The following IPO11 variants were observed in gnomAD, a reference collection of about 807,000 sequenced individuals.
IPO11 encodes the protein importin-11.
In IPO11, 66 loss-of-function variants were observed where a neutral mutation model predicts 143.2. The ratio of observed to expected loss-of-function variants is 0.46; its 90% CI spans 0.38 to 0.57. IPO11 has a LOEUF of 0.57. Among genes scored for constraint, IPO11 ranks in the 20% least tolerant of loss-of-function variants. The probability of loss-of-function intolerance (pLI) is 0.00; values close to 1 mark genes in which losing one functional copy is unlikely to be tolerated. For synonymous variants in IPO11, 385 were observed against 377.8 expected (o/e 1.02, Z -0.22); for missense variants, 1,026 against 1,141.0 (o/e 0.90, Z 1.45).
At chr5:62,522,006 G>A (rs1416858793) in intron 20 of IPO11, among the ~76,000 whole-genome samples, 1 of 151,902 alleles carries the variant, frequency 6.6e-6, no homozygotes, top group Admixed American at 6.6e-5. Flanking sequence ...CTTTTAGGGT[G>A]CTGTTTTCTA....
At chr5:62,525,826 A>G (rs1742353190) in intron 20 of IPO11, among the ~76,000 whole-genome samples, 1 of 152,258 alleles carries the variant, frequency 6.6e-6, no homozygotes, top group South Asian at 2.1e-4. Context: ...TACCAAAGTT[A>G]GTATGTCATC....
intron 29 of IPO11, among the ~76,000 whole-genome samples, chr5:62,608,233 C>T (rs759279393): frequency 2.0e-5 from 3 of 152,146 alleles, no homozygotes; most frequent in Non-Finnish European, 2.9e-5. Flanking sequence ...TGAACTTTAT[C>T]TGGAGCCCTA....
chr5:62,507,694 G>A (rs1741598823), intron 19 of IPO11, among the ~76,000 whole-genome samples: 1 of 152,126 alleles, frequency 6.6e-6, no homozygotes, highest in African/African-American at 2.4e-5. Context: ...GAAATATATG[G>A]CAGATGGAAA....
At chr5:62,553,798 G>C (rs1225914184) in intron 26 of IPO11, among the ~76,000 whole-genome samples, 1 of 152,006 alleles carries the variant, frequency 6.6e-6, no homozygotes, top group African/African-American at 2.4e-5. Flanking sequence ...TGTCACCCAG[G>C]CTGGAGTGCA....
At chr5:62,483,423 A>T (rs998414613) in intron 10 of IPO11, 130 bp downstream of exon 10, 38 of 626,674 alleles carry the variant, frequency 6.1e-5, no homozygotes, top group Middle Eastern at 4.4e-4. Context: ...CATGAAAAAG[A>T]TATAAGGATT....
chr5:62,445,311 T>A (rs1397964986), intron 3 of IPO11, among the ~76,000 whole-genome samples: 1 of 152,142 alleles, frequency 6.6e-6, no homozygotes, highest in Admixed American at 6.6e-5. Flanking sequence ...CCTAATTAAT[T>A]AAATACTGTC....
At chr5:62,601,869 G>A (rs750862085) in intron 29 of IPO11, 21 bp downstream of exon 29, 1 of 1,458,870 alleles carries the variant, frequency 6.9e-7, no homozygotes, top group Non-Finnish European at 9.4e-7. Context: ...AAAGTAGCTT[G>A]TAAAAATTAA....
At position 62,442,863 on chromosome 5, in the gene IPO11, A is replaced by AAAAACAAAACAAAACAAAAC. The variant is rs70981008; in HGVS notation, c.139-106_139-87dup. 1,203 of 468,110 alleles carry AAAAACAAAACAAAACAAAAC rather than the reference A, an allele frequency of 2.6e-3. 5 individuals are homozygous for AAAAACAAAACAAAACAAAAC. The highest frequency in any genetic ancestry group is 2.4e-3 in the Non-Finnish European group (666 of 273,872). The allele number at this position is 468,110 out of a possible 1,614,324, so 29.0% of individuals were successfully genotyped here. The stretch of plus-strand genomic sequence containing the variant: ...TGGGCGACGAGAGTGAAACTGTCTC[A>AAAAACAAAACAAAACAAAAC]AAAACAAAACAAAACAAAACAAAAC... On this transcript the variant is annotated intron_variant, in intron 2 of 29. Transcript: ENST00000325324.
intron 7 of IPO11, among the ~76,000 whole-genome samples, chr5:62,472,178 T>C (rs1236319444): frequency 2.0e-5 from 3 of 152,218 alleles, no homozygotes; most frequent in Non-Finnish European, 4.4e-5. Flanking sequence ...AAATGCTCAA[T>C]AGTTGTTTGT....
At chr5:62,606,885 A>C (rs1745739196) in intron 29 of IPO11, among the ~76,000 whole-genome samples, 1 of 152,240 alleles carries the variant, frequency 6.6e-6, no homozygotes, top group Admixed American at 6.5e-5. Flanking sequence ...ATATGTAAGT[A>C]AACTATACGT....
intron 19 of IPO11, among the ~76,000 whole-genome samples, chr5:62,510,725 G>A (rs937440272): frequency 4.6e-5 from 7 of 151,814 alleles, no homozygotes; most frequent in Admixed American, 2.0e-4. Flanking sequence ...CACAGCAGTC[G>A]GTGATTGATT....
At chr5:62,519,027 T>C (rs1742121906) in intron 20 of IPO11, among the ~76,000 whole-genome samples, 1 of 152,202 alleles carries the variant, frequency 6.6e-6, no homozygotes, top group African/African-American at 2.4e-5. Flanking sequence ...GCCAATTCCC[T>C]GTGTCACATG....
chr5:62,572,498 A>T (rs1279804760), intron 27 of IPO11, among the ~76,000 whole-genome samples: 1 of 152,100 alleles, frequency 6.6e-6, no homozygotes, highest in Non-Finnish European at 1.5e-5. Flanking sequence ...AAACTATAAT[A>T]TCTTGATTTT....
chr5:62,460,092 C>T (rs1406717042), intron 5 of IPO11, among the ~76,000 whole-genome samples: 1 of 151,902 alleles, frequency 6.6e-6, no homozygotes, highest in Non-Finnish European at 1.5e-5. Flanking sequence ...AATTCTTCAA[C>T]ATTTATCTGT....
chr5:62,603,819 CATGCA>C (rs1745597574), intron 29 of IPO11, among the ~76,000 whole-genome samples: 1 of 152,238 alleles, frequency 6.6e-6, no homozygotes, highest in Non-Finnish European at 1.5e-5. Flanking sequence ...GCTGCGCAGT[CATGCA>C]CTGCTCAGCA....
At chr5:62,452,974 G>GT (rs1383261129) in intron 5 of IPO11, among the ~76,000 whole-genome samples, 31 of 150,536 alleles carry the variant, frequency 2.1e-4, no homozygotes. Flanking sequence ...GCTTTAAAGT[G>GT]TTTTTAACAG....
intron 1 of IPO11, among the ~76,000 whole-genome samples, chr5:62,435,136 GTATATATGTATATATGTA>G (rs1561308895): frequency 8.3e-4 from 80 of 95,830 alleles, no homozygotes; most frequent in African/African-American, 2.8e-3. Flanking sequence ...GTATATATAT[GTATATATGTATATATGTA>G]TATATATGTA....
chr5:62,593,363 A>AGTT (rs1234836376), intron 28 of IPO11, among the ~76,000 whole-genome samples: 3 of 152,164 alleles, frequency 2.0e-5, no homozygotes, highest in Non-Finnish European at 4.4e-5. Context: ...GGCCCTGAAA[A>AGTT]GTTAGCTGGG....
intron 1 of IPO11, among the ~76,000 whole-genome samples, chr5:62,424,231 C>A (rs1743625146): frequency 6.6e-6 from 1 of 151,826 alleles, no homozygotes; most frequent in African/African-American, 2.4e-5. Flanking sequence ...GCTCCGCCTC[C>A]CGGGTTCACG....
Sources: allele counts gnomAD v4.1 joint callset (sites outside exome capture counted in the v4.1 genomes callset), GRCh38; gene constraint gnomAD v4.1.1; transcripts MANE v1.5; gene names NCBI Gene and HGNC (gene_info 2026-07-23, HGNC 2026-07-21).